The following MAF variants were observed in gnomAD, a reference collection of about 807,000 sequenced individuals.
The protein encoded by MAF is MAF bZIP transcription factor.
A neutral mutation model predicts 22.0 loss-of-function variants in MAF; 10 were observed. The observed-to-expected ratio is 0.45, with a 90% CI of 0.28 to 0.77. The LOEUF (loss-of-function observed/expected upper bound fraction) is 0.77, where lower values mean the gene tolerates loss of function less well. MAF is among the 30% of genes least tolerant of loss of function. The pLI is 0.12. For missense variants in MAF, 544 were observed against 548.4 expected, an observed-to-expected ratio of 0.99 and a Z score of 0.08; for synonymous variants, 337 against 255.8, an observed-to-expected ratio of 1.32 and a Z score of -3.03.
At chr16:79,483,688 T>C in the MAF span, among the ~76,000 whole-genome samples, 1 of 152,116 alleles carries the variant, frequency 6.6e-6, no homozygotes, top group Non-Finnish European at 1.5e-5. Flanking sequence ...TAAGGGTTCA[T>C]GTAGCTCAAA....
the MAF span, among the ~76,000 whole-genome samples, chr16:79,230,807 G>T: frequency 6.6e-6 from 1 of 152,000 alleles, no homozygotes; most frequent in Non-Finnish European, 1.5e-5. Flanking sequence ...AGCAAGACTT[G>T]CCCCTGAGAT....
At chr16:79,280,979 A>G in the MAF span, among the ~76,000 whole-genome samples, 1 of 152,310 alleles carries the variant, frequency 6.6e-6, no homozygotes, top group African/African-American at 2.4e-5. Flanking sequence ...AGTGTCTCCC[A>G]GATCAGAATG....
chr16:79,257,278 A>C, the MAF span, among the ~76,000 whole-genome samples: 1 of 152,198 alleles, frequency 6.6e-6, no homozygotes, highest in African/African-American at 2.4e-5. Flanking sequence ...TACCTATGTC[A>C]GTTTCCTGGT....
the MAF span, among the ~76,000 whole-genome samples, chr16:79,579,441 A>T: frequency 6.6e-6 from 1 of 152,172 alleles, no homozygotes; most frequent in South Asian, 2.1e-4. Flanking sequence ...TCATTACTAT[A>T]TTTTTTCAAA....
At chr16:79,560,513 A>G in the MAF span, among the ~76,000 whole-genome samples, 4 of 152,118 alleles carry the variant, frequency 2.6e-5, no homozygotes, top group African/African-American at 9.7e-5. Context: ...AGTCCAAAAT[A>G]TGATGCAATG....
the MAF span, among the ~76,000 whole-genome samples, chr16:79,455,343 T>G: frequency 6.6e-6 from 1 of 152,158 alleles, no homozygotes; most frequent in Non-Finnish European, 1.5e-5. Context: ...AAAACGATGC[T>G]CTTTGATTTA....
At chr16:79,357,189 G>C in the MAF span, among the ~76,000 whole-genome samples, 47,638 of 151,384 alleles carry the variant, frequency 0.31, 8,693 homozygotes, top group Non-Finnish European at 0.44. Flanking sequence ...TTGGGAGCCA[G>C]AGGTTGCAAC....
the MAF span, among the ~76,000 whole-genome samples, chr16:79,369,473 A>G: frequency 6.6e-6 from 1 of 152,242 alleles, no homozygotes; most frequent in African/African-American, 2.4e-5. Flanking sequence ...CTTTGAGGAC[A>G]GGAGGATCCT....
the MAF span, among the ~76,000 whole-genome samples, chr16:79,453,728 C>T: frequency 1.3e-5 from 2 of 152,152 alleles, no homozygotes; most frequent in Non-Finnish European, 2.9e-5. Context: ...GTGATTTGAA[C>T]AGCACCAATA....
At chr16:79,277,914 G>C in the MAF span, among the ~76,000 whole-genome samples, 2,349 of 152,258 alleles carry the variant, frequency 0.015, 73 homozygotes, top group African/African-American at 0.053. Flanking sequence ...TTGGGAATTG[G>C]CTGGGAGTTG....
the MAF span, among the ~76,000 whole-genome samples, chr16:79,373,024 G>A: frequency 1.3e-5 from 2 of 152,218 alleles, no homozygotes; most frequent in East Asian, 1.9e-4. Flanking sequence ...ATATATGCGG[G>A]ACCATGGTTG....
chr16:79,420,154 G>A, the MAF span, among the ~76,000 whole-genome samples: 1 of 152,186 alleles, frequency 6.6e-6, no homozygotes, highest in South Asian at 2.1e-4. Flanking sequence ...AATACTTTGT[G>A]TTCATTCTGA....
the MAF span, among the ~76,000 whole-genome samples, chr16:79,485,582 G>C: frequency 1.3e-5 from 2 of 152,130 alleles, no homozygotes; most frequent in Non-Finnish European, 2.9e-5. Flanking sequence ...GTAAGTCCAT[G>C]AGCACAAACT....
At chr16:79,279,639 A>G in the MAF span, among the ~76,000 whole-genome samples, 2 of 152,164 alleles carry the variant, frequency 1.3e-5, no homozygotes, top group Non-Finnish European at 2.9e-5. Flanking sequence ...TGACTGTACT[A>G]AAGTGTGAAC....
the MAF span, among the ~76,000 whole-genome samples, chr16:79,330,783 A>G: frequency 3.3e-5 from 5 of 152,326 alleles, no homozygotes; most frequent in African/African-American, 1.2e-4. Flanking sequence ...TCCTCGGTGT[A>G]TAAGTCAGGA....
chr16:79,244,953 A>G, the MAF span, among the ~76,000 whole-genome samples: 1 of 152,088 alleles, frequency 6.6e-6, no homozygotes, highest in Non-Finnish European at 1.5e-5. Context: ...CCTGGCAAAA[A>G]CAATCAATGG....
At chr16:79,221,254 G>C in the MAF span, among the ~76,000 whole-genome samples, 441 of 152,302 alleles carry the variant, frequency 2.9e-3, 5 homozygotes, top group Admixed American at 0.022. Context: ...TTATGATGAA[G>C]TACTTGGCTT....
At chr16:79,211,795 A>C in the MAF span, 1 of 1,614,080 alleles carries the variant, frequency 6.2e-7, no homozygotes, top group Non-Finnish European at 8.5e-7. Flanking sequence ...CAGTCCGGCT[A>C]AGTGGAGCTC....
At chr16:79,229,917 G>C in the MAF span, among the ~76,000 whole-genome samples, 22 of 151,976 alleles carry the variant, frequency 1.4e-4, 1 homozygote, top group Admixed American at 6.6e-5. Context: ...CGTTTTTATA[G>C]GCCTTTTGCA....
Sources: gnomAD v4.1 joint callset for allele counts (sites outside exome capture counted in the v4.1 genomes callset) on GRCh38, gnomAD v4.1.1 for gene constraint, MANE v1.5 for transcripts, NCBI Gene and HGNC (gene_info 2026-07-23, HGNC 2026-07-21) for gene names.